The following GALNT18 variants were observed in gnomAD, a reference collection of about 807,000 sequenced individuals.
The protein encoded by GALNT18 is polypeptide N-acetylgalactosaminyltransferase 18, also known as GalNAc-transferase 18.
Under a neutral mutation model 69.5 loss-of-function variants are expected in GALNT18, and 44 were observed. The observed-to-expected ratio is 0.63, with a 90% CI of 0.50 to 0.81. GALNT18 has a LOEUF of 0.81. GALNT18 is among the 40% of genes least tolerant of loss of function. GALNT18 has a pLI of 0.00. For synonymous variants in GALNT18, 364 were observed against 318.2 expected (o/e 1.14, Z -1.53); for missense variants, 715 against 810.0 (o/e 0.88, Z 1.42).
chr11:11,356,102 C>T lies in GALNT18; in HGVS notation c.1093-15098G>A, dbSNP rs1316304583. On this transcript the variant is annotated intron_variant, in intron 6 of 10. Coordinates refer to ENST00000227756, the MANE Select transcript of GALNT18 (RefSeq NM_198516.3). The surrounding 1 kb of genome is among the most constrained non-coding windows in gnomAD (Gnocchi z 4.4). The stretch of plus-strand genomic sequence containing the variant: ...TAGAAAAAAATGTGCTCACAGGTAC[C>T]CTGCCCTTTGCATTGCTTTACAAAG... 6.6e-6 allele frequency among the ~76,000 whole-genome samples: 1 copy of T among 152,160 alleles called. No individual in the cohort carries two copies. The highest frequency in any genetic ancestry group is 1.5e-5 in the Non-Finnish European group (1 of 68,046).
chr11:11,368,800 T>G (rs1850831140), intron 6 of GALNT18, among the ~76,000 whole-genome samples: 1 of 152,254 alleles, frequency 6.6e-6, no homozygotes, highest in African/African-American at 2.4e-5. Context: ...TCTGATGGAT[T>G]CAACAGCTGG....
chr11:11,535,325 C>T (rs1396218083), intron 1 of GALNT18, among the ~76,000 whole-genome samples: 1 of 152,174 alleles, frequency 6.6e-6, no homozygotes, highest in African/African-American at 2.4e-5. Context: ...CAACACAAGG[C>T]AAGTCAGTTA....
chr11:11,585,583 C>T (rs1003058523), intron 1 of GALNT18, among the ~76,000 whole-genome samples: 1 of 151,936 alleles, frequency 6.6e-6, no homozygotes, highest in Non-Finnish European at 1.5e-5. Flanking sequence ...CTCGAACTCC[C>T]GACCTCAGGT....
At chr11:11,417,296 G>A (rs920385936) in intron 3 of GALNT18, among the ~76,000 whole-genome samples, 1 of 152,220 alleles carries the variant, frequency 6.6e-6, no homozygotes, top group African/African-American at 2.4e-5. Flanking sequence ...CAGAGGAGTG[G>A]CTAATTCAGC....
rs1398048718 is a variant in GALNT18, at chr11:11,469,383, GT to G, written c.236-20448del. Among the ~76,000 whole-genome samples, 2 of 152,190 alleles carry G rather than the reference GT, an allele frequency of 1.3e-5. No individual in the cohort carries two copies. Among genetic ancestry groups the G allele is most frequent in the Non-Finnish European group, 2.9e-5 (2 of 68,044 alleles). ...CACAGCAATAGACAGTCCTCGTCAAGTTTGTTGTTATGGCTATGTCTTTTAC... is the reference window on the plus strand; with the variant it reads ...CACAGCAATAGACAGTCCTCGTCAAGTTGTTGTTATGGCTATGTCTTTTAC... On this transcript the variant is annotated intron_variant, in intron 1 of 10. Coordinates refer to ENST00000227756, the MANE Select transcript of GALNT18 (RefSeq NM_198516.3). This position sits in a 1 kb window ranked among gnomAD's most constrained non-coding sequence, Gnocchi z 4.2.
chr11:11,286,124 G>A (rs1849188534), intron 10 of GALNT18, among the ~76,000 whole-genome samples: 1 of 152,164 alleles, frequency 6.6e-6, no homozygotes, highest in African/African-American at 2.4e-5. Flanking sequence ...TGAACTCTAA[G>A]CTCAGCCTTG....
chr11:11,480,601 G>A lies in GALNT18; in HGVS notation c.236-31665C>T, dbSNP rs754731483. ...TGGTCACCACCTGGTCCCAGTACTG[G>A]TTTTGAGATCTGATTCTGTAATGCA... is the stretch of plus-strand genomic sequence containing the variant. On this transcript the variant is annotated intron_variant, in intron 1 of 10. Transcript: ENST00000227756. The surrounding 1 kb of genome is among the most constrained non-coding windows in gnomAD (Gnocchi z 4.6). 2.0e-5 allele frequency among the ~76,000 whole-genome samples: 3 copies of A among 152,168 alleles called. No homozygotes were observed. The highest frequency in any genetic ancestry group is 4.4e-5 in the Non-Finnish European group (3 of 68,036).
chr11:11,408,587 A>T (rs1201751356), intron 3 of GALNT18, among the ~76,000 whole-genome samples: 1 of 151,872 alleles, frequency 6.6e-6, no homozygotes, highest in Non-Finnish European at 1.5e-5. Context: ...TCTCCCACTT[A>T]AACAAATGTT....
Position 11,315,624 on chromosome 11 carries a change from T to C in GALNT18, c.1512+11462A>G, listed in dbSNP as rs1849739013. On this transcript the variant is annotated intron_variant, in intron 9 of 10. Coordinates refer to ENST00000227756, the MANE Select transcript of GALNT18 (RefSeq NM_198516.3). This position sits in a 1 kb window ranked among gnomAD's most constrained non-coding sequence, Gnocchi z 5.6. ...TAACACCTACCATCACCATCACATG[T>C]GGGGCACCGGGTCAGGCATCATGGC... 6.6e-6 allele frequency among the ~76,000 whole-genome samples: 1 copy of C among 152,120 alleles called. No individual in the cohort carries two copies. Among genetic ancestry groups the C allele is most frequent in the Non-Finnish European group, 1.5e-5 (1 of 68,014 alleles).
intron 9 of GALNT18, among the ~76,000 whole-genome samples, chr11:11,300,116 C>T (rs1164972806): frequency 3.9e-5 from 6 of 152,200 alleles, no homozygotes; most frequent in Non-Finnish European, 7.3e-5. Flanking sequence ...ATTTTCAAGG[C>T]ACAACTGGAG....
At chr11:11,593,019 C>T (rs1180356157) in intron 1 of GALNT18, among the ~76,000 whole-genome samples, 1 of 152,134 alleles carries the variant, frequency 6.6e-6, no homozygotes, top group Non-Finnish European at 1.5e-5. Flanking sequence ...GGGTTCACGC[C>T]ATTCTCCTGC....
At chr11:11,512,748 T>C (rs1857189647) in intron 1 of GALNT18, among the ~76,000 whole-genome samples, 1 of 152,216 alleles carries the variant, frequency 6.6e-6, no homozygotes, top group Admixed American at 6.5e-5. Context: ...GGGCTCGTTA[T>C]GTGCCTTAAC....
chr11:11,551,289 C>A (rs1276846506), intron 1 of GALNT18, among the ~76,000 whole-genome samples: 2 of 151,740 alleles, frequency 1.3e-5, no homozygotes, highest in East Asian at 3.9e-4. Context: ...TTTTCTTATG[C>A]AACAGAGGTC....
At chr11:11,379,025 G>C in intron 4 of GALNT18, 56 bp downstream of exon 4, 1 of 1,453,746 alleles carries the variant, frequency 6.9e-7, no homozygotes, top group Admixed American at 2.3e-5. Context: ...TGCACTATTG[G>C]AGCTGAAGCC....
At chr11:11,290,670 C>G (rs1849281195) in intron 10 of GALNT18, among the ~76,000 whole-genome samples, 2 of 152,160 alleles carry the variant, frequency 1.3e-5, no homozygotes, top group African/African-American at 4.8e-5. Context: ...CATTCATTCC[C>G]AATTAAGTAC....
chr11:11,391,403 T>C (rs1854187931), intron 3 of GALNT18, among the ~76,000 whole-genome samples: 1 of 152,210 alleles, frequency 6.6e-6, no homozygotes, highest in South Asian at 2.1e-4. Context: ...AGTGGTAGAG[T>C]CCACATTCTA....
chr11:11,552,897 A>G (rs1311616088), intron 1 of GALNT18, among the ~76,000 whole-genome samples: 1 of 151,974 alleles, frequency 6.6e-6, no homozygotes, highest in East Asian at 1.9e-4. Flanking sequence ...AGCCCCTGAC[A>G]CCCCACCCAC....
chr11:11,455,781 T>A (rs1250029594), intron 1 of GALNT18, among the ~76,000 whole-genome samples: 2 of 152,096 alleles, frequency 1.3e-5, no homozygotes, highest in African/African-American at 2.4e-5. Context: ...ATGGTAAGCA[T>A]CACAAAAAGG....
At chr11:11,276,770 A>G (rs757335222) in intron 10 of GALNT18, among the ~76,000 whole-genome samples, 23 of 152,176 alleles carry the variant, frequency 1.5e-4, no homozygotes, top group Non-Finnish European at 2.8e-4. Context: ...TGAAATAATC[A>G]TGTGGTTTTT....
Sources: gnomAD v4.1 joint callset for allele counts (sites outside exome capture counted in the v4.1 genomes callset) on GRCh38, gnomAD v4.1.1 for gene constraint, Gnocchi (gnomAD v3.1) non-coding constraint, MANE v1.5 for transcripts, NCBI Gene and HGNC (gene_info 2026-07-23, HGNC 2026-07-21) for gene names.